TFPI: variants seen among roughly 807,000 people sequenced by gnomAD.
TFPI encodes anti-convertin.
Under a neutral mutation model 34.6 loss-of-function variants are expected in TFPI, and 15 were observed. The ratio of observed to expected loss-of-function variants is 0.43; its 90% CI spans 0.29 to 0.67. The LOEUF (loss-of-function observed/expected upper bound fraction) is 0.67, where lower values mean the gene tolerates loss of function less well. TFPI is among the 30% of genes least tolerant of loss of function. The pLI, the probability that TFPI is intolerant of heterozygous loss-of-function variation, is 0.15. For synonymous variants in TFPI, 105 were observed against 120.1 expected (o/e 0.87, Z 0.82); for missense variants, 301 against 364.0 (o/e 0.83, Z 1.41).
chr2:187,485,679 T>C lies in TFPI; in HGVS notation c.359-692A>G, dbSNP rs543900781. ...AAGACTAATACTTCTTCTTTGATAG[T>C]GCTCCAAAGCAGGCTAAACACAGCT... is the stretch of plus-strand genomic sequence containing the variant. On this transcript the variant is annotated intron_variant, in intron 4 of 7. Transcript: ENST00000233156. Among the ~76,000 whole-genome samples the C allele has an allele frequency of 4.0e-5, 6 of 151,860 alleles. No individual in the cohort carries two copies. In the East Asian group the frequency reaches 5.8e-4, roughly 15 times the overall value.
chr2:187,548,496 C>T (rs577005397), intron 1 of TFPI, among the ~76,000 whole-genome samples: 7 of 152,122 alleles, frequency 4.6e-5, no homozygotes, highest in African/African-American at 1.2e-4. Flanking sequence ...CAAGTATATA[C>T]TTGCAGAGAT....
chr2:187,487,571 A>G lies in TFPI; in HGVS notation c.358+766T>C, dbSNP rs367721602. The stretch of plus-strand genomic sequence containing the variant: ...TTAAACAATTTAATCTCTTTGTTCA[A>G]TATTTTCTCATTGAAATGTAAATGC... On this transcript the variant is annotated intron_variant, in intron 4 of 7. Transcript: ENST00000233156. Among the ~76,000 whole-genome samples, 7 of 151,398 alleles carry G rather than the reference A, an allele frequency of 4.6e-5. No individual in the cohort carries two copies. In the East Asian group the frequency reaches 1.2e-3, roughly 25 times the overall value.
intron 3 of TFPI, among the ~76,000 whole-genome samples, chr2:187,490,839 T>A (rs1685075049): frequency 6.6e-6 from 1 of 151,858 alleles, no homozygotes; most frequent in African/African-American, 2.4e-5. Context: ...TGTAATTGAA[T>A]ATTTTAATAA....
intron 3 of TFPI, among the ~76,000 whole-genome samples, chr2:187,496,594 A>T (rs1245876539): frequency 6.6e-6 from 1 of 152,136 alleles, no homozygotes; most frequent in Non-Finnish European, 1.5e-5. Context: ...ATAGTTGAAC[A>T]TGCAAGTTGA....
intron 1 of TFPI, among the ~76,000 whole-genome samples, chr2:187,531,378 G>T (rs1180281207): frequency 6.6e-6 from 1 of 152,028 alleles, no homozygotes; most frequent in South Asian, 2.1e-4. Context: ...AATTCAGTCC[G>T]ACAATGAATC....
At chr2:187,550,523 C>A (rs904437378) in intron 1 of TFPI, among the ~76,000 whole-genome samples, 1 of 151,962 alleles carries the variant, frequency 6.6e-6, no homozygotes, top group Admixed American at 6.6e-5. Flanking sequence ...TATACCAACA[C>A]CCAATAAGGT....
At chr2:187,492,618 G>A (rs767874608) in intron 3 of TFPI, among the ~76,000 whole-genome samples, 5 of 152,172 alleles carry the variant, frequency 3.3e-5, no homozygotes, top group African/African-American at 7.2e-5. Flanking sequence ...TTGCATCAGC[G>A]TGACCTGGAT....
At chr2:187,528,783 T>G (rs1687807919) in intron 1 of TFPI, among the ~76,000 whole-genome samples, 1 of 152,008 alleles carries the variant, frequency 6.6e-6, no homozygotes, top group African/African-American at 2.4e-5. Flanking sequence ...AAAACAGCAG[T>G]GTAACTATAT....
chr2:187,496,185 T>C (rs1005833469), intron 3 of TFPI, among the ~76,000 whole-genome samples: 2 of 152,092 alleles, frequency 1.3e-5, no homozygotes, highest in African/African-American at 4.8e-5. Context: ...TTCTTTTCTA[T>C]GGTATTCTAT....
intron 3 of TFPI, 106 bp from the exon 4 acceptor site, chr2:187,488,481 A>T: frequency 3.3e-6 from 2 of 607,774 alleles, no homozygotes; most frequent in Non-Finnish European, 5.2e-6. Flanking sequence ...CATTAAAATT[A>T]TTCTTATACA....
intron 6 of TFPI, among the ~76,000 whole-genome samples, chr2:187,478,106 G>A (rs8176620): frequency 0.042 from 6,454 of 152,236 alleles, 210 homozygotes; most frequent in South Asian, 0.1. Context: ...GATGTATGGG[G>A]CCAGGCAGAG....
At chr2:187,469,888 C>G (rs1299122314) in intron 6 of TFPI, among the ~76,000 whole-genome samples, 1 of 152,078 alleles carries the variant, frequency 6.6e-6, no homozygotes, top group Non-Finnish European at 1.5e-5. Context: ...TTGATTTGTA[C>G]TATTGTACAC....
intron 1 of TFPI, among the ~76,000 whole-genome samples, chr2:187,524,075 T>C (rs1559144050): frequency 6.6e-6 from 1 of 152,128 alleles, no homozygotes; most frequent in Non-Finnish European, 1.5e-5. Flanking sequence ...TGCTGTAGCA[T>C]ATATGATTGC....
intron 1 of TFPI, among the ~76,000 whole-genome samples, chr2:187,528,530 G>T (rs768242552): frequency 6.6e-6 from 1 of 152,068 alleles, no homozygotes; most frequent in Non-Finnish European, 1.5e-5. Flanking sequence ...GGGATGAATT[G>T]TTATATGAAG....
At chr2:187,516,579 C>T (rs1687016704) in intron 1 of TFPI, 1 of 152,172 alleles carries the variant, frequency 6.6e-6, no homozygotes, top group Non-Finnish European at 1.5e-5. Flanking sequence ...AAAGTGAGAA[C>T]TCCCACTAAT....
chr2:187,545,063 A>G (rs1335741527), intron 1 of TFPI, among the ~76,000 whole-genome samples: 1 of 152,168 alleles, frequency 6.6e-6, no homozygotes, highest in Middle Eastern at 3.2e-3. Flanking sequence ...GTGAGCCGTG[A>G]TCGTGCCACT....
chr2:187,500,787 G>A (rs911469353), intron 2 of TFPI, among the ~76,000 whole-genome samples: 1 of 152,322 alleles, frequency 6.6e-6, no homozygotes, highest in African/African-American at 2.4e-5. Flanking sequence ...ATGGCCAGGT[G>A]TGCTGTGTGA....
At chr2:187,502,873 C>G (rs964592858) in intron 2 of TFPI, among the ~76,000 whole-genome samples, 2 of 152,086 alleles carry the variant, frequency 1.3e-5, no homozygotes, top group African/African-American at 4.8e-5. Context: ...TTTTAAAAAG[C>G]TATTAAAGCT....
In TFPI at chr2:187,473,480, A is replaced by G. The variant is rs187888593; in HGVS notation, c.629-5548T>C. ...ATGCCAACAGTGATTGTTTCTGCATAATGTGGATATGGCCAGTTTTTCTTC... is the reference window on the plus strand; with the variant it reads ...ATGCCAACAGTGATTGTTTCTGCATGATGTGGATATGGCCAGTTTTTCTTC... On this transcript the variant is annotated intron_variant, in intron 6 of 7. Transcript: ENST00000233156. 4.6e-5 allele frequency among the ~76,000 whole-genome samples: 7 copies of G among 152,300 alleles called. 1 individual carries two copies. The highest frequency in any genetic ancestry group is 1.4e-4 in the African/African-American group (6 of 41,568).
Sources: gnomAD v4.1 joint callset for allele counts (sites outside exome capture counted in the v4.1 genomes callset) on GRCh38, gnomAD v4.1.1 for gene constraint, MANE v1.5 for transcripts, NCBI Gene and HGNC (gene_info 2026-07-23, HGNC 2026-07-21) for gene names.